LNPEP: variants seen among roughly 807,000 people sequenced by gnomAD.
The protein encoded by LNPEP is leucyl-cystinyl aminopeptidase.
LNPEP carries 64 observed loss-of-function variants against 120.6 expected under a neutral mutation model. The ratio of observed to expected loss-of-function variants is 0.53; its 90% confidence interval spans 0.43 to 0.65. The LOEUF is 0.65. Among genes scored for constraint, LNPEP ranks in the 30% least tolerant of loss-of-function variants. LNPEP has a pLI of 0.00. For synonymous variants in LNPEP, 435 were observed against 425.4 expected, an observed-to-expected ratio of 1.02 and a Z score of -0.28; for missense variants, 1,057 against 1,200.0, an observed-to-expected ratio of 0.88 and a Z score of 1.76.
intron 4 of LNPEP, among the ~76,000 whole-genome samples, chr5:96,988,983 C>T (rs1790308403): frequency 6.6e-6 from 1 of 152,002 alleles, no homozygotes; most frequent in South Asian, 2.1e-4. Context: ...TCATTGCCCA[C>T]ATACACACTG....
intron 1 of LNPEP, 93 bp downstream of exon 1, chr5:96,936,267 TCCC>T (rs1319976654): frequency 2.1e-6 from 2 of 947,146 alleles, no homozygotes; most frequent in East Asian, 9.7e-5. Flanking sequence ...TGCAGCCGTC[TCCC>T]CCAACACCGC....
Position 97,032,922 on chromosome 5 carries a change from C to A in LNPEP, c.*4389C>A, listed in dbSNP as rs1791498911. 1 of 152,032 alleles carries A rather than the reference C, an allele frequency of 6.6e-6. No homozygotes were observed. Among genetic ancestry groups the A allele is most frequent in the Non-Finnish European group, 1.5e-5 (1 of 68,012 alleles). The allele number at this position is 152,032 out of a possible 1,614,324, so 9.4% of individuals were successfully genotyped here. On this transcript the variant is annotated 3_prime_UTR_variant, in exon 18 of 18. Transcript: ENST00000231368. ...CTTTCAAGTGTGTATAAATATTGTG[C>A]CACCTTTTTATACTTCATTTTATAC... is the stretch of plus-strand genomic sequence containing the variant.
chr5:97,014,971 AT>A lies in LNPEP; in HGVS notation c.2255del (p.Leu752Ter). On this transcript the variant is annotated frameshift_variant, in exon 13 of 18. Coordinates refer to ENST00000231368, the MANE Select transcript of LNPEP (RefSeq NM_005575.3). LOFTEE classifies it high-confidence loss of function. ...LGKVPLKRAF[D>X]LINYLGNENH... is the part of the protein sequence containing the mutation. ...AAGGTACCTCTCAAGAGGGCCTTTG[AT>A]TTGATTAATTATCTTGGAAATGAGA... 6.3e-7 allele frequency: 1 copy of A among 1,586,124 alleles called. No homozygotes were observed.
chr5:96,958,656 G>C, intron 1 of LNPEP: 1 of 230,184 alleles, frequency 4.3e-6, no homozygotes, highest in Non-Finnish European at 7.2e-6. Flanking sequence ...AGTTGGCAGG[G>C]CTGTGTGTTC....
Position 97,022,284 on chromosome 5 carries a change from T to C in LNPEP, c.2377-16T>C. 2 of 1,452,800 alleles carry C rather than the reference T, an allele frequency of 1.4e-6. No individual in the cohort carries two copies. The highest frequency in any genetic ancestry group is 1.9e-6 in the Non-Finnish European group (2 of 1,054,750). 90.0% of individuals were successfully genotyped at this position (1,452,800 alleles called of 1,614,324 possible). On this transcript the variant is annotated splice_polypyrimidine_tract_variant and intron_variant, in intron 13 of 17. Transcript: ENST00000231368. ...TAATTATTATGAAGCCATTATAATC[T>C]ATTTTGTCTCTCTAGACTAGGGTAT...
intron 1 of LNPEP, among the ~76,000 whole-genome samples, chr5:96,952,177 G>T (rs1789340161): frequency 6.6e-6 from 1 of 151,732 alleles, no homozygotes; most frequent in African/African-American, 2.4e-5. Flanking sequence ...AAAACAAAAG[G>T]ATTAGTGAGA....
intron 1 of LNPEP, among the ~76,000 whole-genome samples, chr5:96,956,417 C>T (rs930563572): frequency 6.6e-6 from 1 of 152,190 alleles, no homozygotes; most frequent in African/African-American, 2.4e-5. Context: ...ACTCCAGAGG[C>T]TGAGGCAGGA....
At chr5:97,005,948 A>T in intron 9 of LNPEP, 125 bp from the exon 10 acceptor site, 1 of 240,460 alleles carries the variant, frequency 4.2e-6, no homozygotes, top group Non-Finnish European at 8.0e-6. Context: ...TATTAACATT[A>T]AATGTAGTCT....
chr5:96,981,813 A>T (rs1264152106), intron 2 of LNPEP, among the ~76,000 whole-genome samples: 1 of 152,202 alleles, frequency 6.6e-6, no homozygotes, highest in Admixed American at 6.5e-5. Flanking sequence ...TGATAGGCTT[A>T]AAGTCCTAGA....
intron 3 of LNPEP, 33 bp from the exon 4 acceptor site, chr5:96,986,502 TATAG>T (rs760603423): frequency 6.3e-7 from 1 of 1,588,698 alleles, no homozygotes; most frequent in Non-Finnish European, 8.6e-7. Flanking sequence ...CATTTATTCC[TATAG>T]TTACAGAACT....
chr5:96,986,695 A>G, intron 4 of LNPEP, 25 bp downstream of exon 4: 1 of 1,611,152 alleles, frequency 6.2e-7, no homozygotes, highest in Non-Finnish European at 8.5e-7. Context: ...TAATTGTCTG[A>G]AAGCCTGTGT....
At chr5:97,025,776 A>G (rs182220665) in intron 15 of LNPEP, among the ~76,000 whole-genome samples, 6 of 152,242 alleles carry the variant, frequency 3.9e-5, no homozygotes, top group South Asian at 2.1e-4. Context: ...TGATCAGTCT[A>G]TGAGATTTTC....
chr5:96,973,610 AT>A (rs999284548), intron 1 of LNPEP, among the ~76,000 whole-genome samples: 1 of 152,130 alleles, frequency 6.6e-6, no homozygotes, highest in Non-Finnish European at 1.5e-5. Context: ...TCTAGAGATG[AT>A]TTAAAGTATG....
At chr5:96,968,657 TTTAAAGGTGAAAGA>T (rs1789785904) in intron 1 of LNPEP, among the ~76,000 whole-genome samples, 1 of 152,028 alleles carries the variant, frequency 6.6e-6, no homozygotes, top group Non-Finnish European at 1.5e-5. Context: ...GATTGGTTTT[TTTAAAGGTGAAAGA>T]AACTAGGAAT....
chr5:96,984,113 G>C (rs1206256967), intron 2 of LNPEP, among the ~76,000 whole-genome samples: 1 of 152,116 alleles, frequency 6.6e-6, no homozygotes. Flanking sequence ...ACCAAACTGA[G>C]GGTCAGGCTG....
rs1392109129 is a variant in LNPEP, at chr5:96,986,578, G to A, written c.1039G>A (p.Glu347Lys). 6 of 1,613,492 alleles carry A rather than the reference G, an allele frequency of 3.7e-6. No individual in the cohort carries two copies. Among genetic ancestry groups the A allele is most frequent in the Non-Finnish European group, 5.1e-6 (6 of 1,179,634 alleles). Residue 347 changes from glutamate to lysine, a missense_variant, in exon 4 of 18, where the codon GAG becomes AAG. Physicochemically the swap from Glu to Lys is moderately conservative, Grantham distance 56. Transcript: ENST00000231368. ...TCTAGATGATGGACTTGTTCAGGATGAGTTTTCTGAGAGTGTGAAGATGAG... is the reference window on the plus strand; with the variant it reads ...TCTAGATGATGGACTTGTTCAGGATAAGTTTTCTGAGAGTGTGAAGATGAG... ...VVLDDGLVQD[E>K]FSESVKMSTY...
intron 4 of LNPEP, among the ~76,000 whole-genome samples, chr5:96,990,151 GTT>G (rs1398540415): frequency 6.6e-6 from 1 of 152,170 alleles, no homozygotes; most frequent in Non-Finnish European, 1.5e-5. Context: ...TATTGATCTT[GTT>G]ACAGTTATTT....
In LNPEP at chr5:96,937,997, C is replaced by A. The variant is rs559532545; in HGVS notation, c.19+1823C>A. Among the ~76,000 whole-genome samples the A allele has an allele frequency of 5.9e-5, 9 of 152,340 alleles. 1 individual carries two copies. Among genetic ancestry groups the A allele is most frequent in the Middle Eastern group, 3.4e-3 (1 of 294 alleles). The stretch of plus-strand genomic sequence containing the variant: ...GCATAATTTTGGTTAATGTAGCAAT[C>A]ACTCCTTGGAGCCTTATTTAGCATC... On this transcript the variant is annotated intron_variant, in intron 1 of 17. Coordinates refer to ENST00000231368, the MANE Select transcript of LNPEP (RefSeq NM_005575.3).
At chr5:96,977,065 T>G (rs1443024306) in intron 1 of LNPEP, among the ~76,000 whole-genome samples, 2 of 152,052 alleles carry the variant, frequency 1.3e-5, no homozygotes. Context: ...AGAAAATGAT[T>G]AGAAGTTTTA....
Sources: allele counts gnomAD v4.1 joint callset (sites outside exome capture counted in the v4.1 genomes callset), GRCh38; gene constraint gnomAD v4.1.1; transcripts MANE v1.5; gene names NCBI Gene and HGNC (gene_info 2026-07-23, HGNC 2026-07-21).